The following DNAH3 variants were observed in gnomAD, a reference collection of about 807,000 sequenced individuals.
DNAH3 encodes axonemal beta dynein heavy chain 3.
A neutral mutation model predicts 432.5 loss-of-function variants in DNAH3; 332 were observed. The ratio of observed to expected loss-of-function variants is 0.77; its 90% CI spans 0.70 to 0.84. The LOEUF (loss-of-function observed/expected upper bound fraction) is 0.84. Ranked by LOEUF, DNAH3 falls within the 40% of genes least tolerant of loss-of-function variation. DNAH3 has a pLI of 0.00. For synonymous variants in DNAH3, 1,956 were observed against 1,900.2 expected (o/e 1.03, Z -0.76); for missense variants, 4,861 against 5,114.0 (o/e 0.95, Z 1.51).
At chr16:21,099,084 T>C (rs1353932972) in intron 16 of DNAH3, among the ~76,000 whole-genome samples, 1 of 152,228 alleles carries the variant, frequency 6.6e-6, no homozygotes, top group Non-Finnish European at 1.5e-5. Flanking sequence ...ACATACTGTT[T>C]ATTCATTCAG....
At chr16:21,096,810 T>C (rs2091695476) in intron 18 of DNAH3, among the ~76,000 whole-genome samples, 1 of 152,172 alleles carries the variant, frequency 6.6e-6, no homozygotes, top group South Asian at 2.1e-4. Context: ...GAACTAAGTC[T>C]TGGAGAAGCT....
intron 14 of DNAH3, among the ~76,000 whole-genome samples, chr16:21,110,999 T>G (rs1392351760): frequency 1.3e-5 from 2 of 152,026 alleles, no homozygotes; most frequent in East Asian, 3.9e-4. Flanking sequence ...TTGGACAACA[T>G]AGCAAGACCC....
intron 31 of DNAH3, among the ~76,000 whole-genome samples, chr16:21,049,095 G>A (rs2089845880): frequency 2.0e-5 from 3 of 151,872 alleles, no homozygotes; most frequent in Non-Finnish European, 4.4e-5. Context: ...CTGGGCTCAA[G>A]CAATCCTCCT....
Position 21,060,248 on chromosome 16 carries a change from C to T in DNAH3, c.3813+16G>A. 6.2e-7 allele frequency: 1 copy of T among 1,603,368 alleles called. No homozygotes were observed. Among genetic ancestry groups the T allele is most frequent in the South Asian group, 1.1e-5 (1 of 90,868 alleles). ...TGCACTAGTGTCCTGGCATGTGTAC[C>T]CCGGTTCTTGTTTACCTTGACATAT... On this transcript the variant is annotated intron_variant, in intron 26 of 61. Transcript: ENST00000261383.
intron 38 of DNAH3, among the ~76,000 whole-genome samples, chr16:21,025,936 A>G (rs1484866298): frequency 6.6e-6 from 1 of 151,928 alleles, no homozygotes; most frequent in Non-Finnish European, 1.5e-5. Context: ...ATGAGGTTTC[A>G]CCATGTTGGC....
chr16:21,145,077 A>C, intron 3 of DNAH3, 104 bp downstream of exon 4: 1 of 1,020,768 alleles, frequency 9.8e-7, no homozygotes, highest in Non-Finnish European at 1.4e-6. Flanking sequence ...GTGCCATGGC[A>C]CTCCAGCCTG....
intron 41 of DNAH3, among the ~76,000 whole-genome samples, chr16:21,003,468 C>T (rs2087128994): frequency 1.3e-5 from 2 of 152,094 alleles, no homozygotes; most frequent in African/African-American, 4.8e-5. Flanking sequence ...ATAATGTAAA[C>T]AGCAAGTATT....
intron 4 of DNAH3, 34 bp from the exon 6 acceptor site, chr16:21,140,744 T>C: frequency 6.2e-7 from 1 of 1,608,660 alleles, no homozygotes; most frequent in Non-Finnish European, 8.5e-7. Flanking sequence ...CCTTGGTGTT[T>C]GGTTCTCCAG....
At chr16:20,984,183 A>ATG (rs2086068327) in intron 48 of DNAH3, among the ~76,000 whole-genome samples, 1 of 140,866 alleles carries the variant, frequency 7.1e-6, no homozygotes, top group Non-Finnish European at 1.5e-5. Context: ...GTGTGTGTAT[A>ATG]TGTGTGCACG....
intron 57 of DNAH3, among the ~76,000 whole-genome samples, chr16:20,946,521 TA>T (rs1268325279): frequency 1.3e-5 from 2 of 152,210 alleles, no homozygotes; most frequent in Non-Finnish European, 2.9e-5. Context: ...TGGCTCAGTA[TA>T]AATCTCTTCA....
intron 1 of DNAH3, chr16:21,159,279 CATT>C (rs1567894022): frequency 1.3e-6 from 2 of 1,527,432 alleles, no homozygotes; most frequent in South Asian, 2.2e-5. Flanking sequence ...TCTGAGTTCC[CATT>C]ATTCAGTCTC....
At chr16:20,969,003 C>A (rs1273799769) in intron 52 of DNAH3, among the ~76,000 whole-genome samples, 4 of 151,890 alleles carry the variant, frequency 2.6e-5, no homozygotes, top group Non-Finnish European at 4.4e-5. Context: ...CTACCTGTTT[C>A]TCTCCCTTCA....
chr16:21,049,501 G>T, intron 31 of DNAH3, 68 bp downstream of exon 31: 2 of 1,251,004 alleles, frequency 1.6e-6, no homozygotes, highest in African/African-American at 1.5e-5. Flanking sequence ...TTATTAAGGG[G>T]TGCAGAGCCA....
intron 19 of DNAH3, among the ~76,000 whole-genome samples, chr16:21,086,456 ACTTT>A (rs2091374566): frequency 6.6e-6 from 1 of 152,128 alleles, no homozygotes; most frequent in South Asian, 2.1e-4. Context: ...GAGAGATGTG[ACTTT>A]CTTTTTTGTG....
chr16:20,991,921 T>C (rs1042725520), intron 44 of DNAH3, among the ~76,000 whole-genome samples: 8 of 152,214 alleles, frequency 5.3e-5, no homozygotes, highest in Admixed American at 5.2e-4. Context: ...GTTTGCAAAG[T>C]GGTAATATTC....
At chr16:20,980,690 T>G (rs1004299868) in intron 49 of DNAH3, among the ~76,000 whole-genome samples, 7 of 152,188 alleles carry the variant, frequency 4.6e-5, no homozygotes, top group African/African-American at 1.4e-4. Context: ...GCCCAGCCAA[T>G]TTTTAAAAAT....
At chr16:20,956,550 T>G (rs186755550) in intron 54 of DNAH3, among the ~76,000 whole-genome samples, 37 of 152,334 alleles carry the variant, frequency 2.4e-4, no homozygotes, top group African/African-American at 8.9e-4. Flanking sequence ...TCATGATTTT[T>G]GGGTCAGGAT....
chr16:21,069,077 A>G (rs1567735055), intron 23 of DNAH3, among the ~76,000 whole-genome samples: 1 of 148,916 alleles, frequency 6.7e-6, no homozygotes, highest in African/African-American at 2.5e-5. Context: ...GGCATTCACC[A>G]CAATGCCTGG....
At chr16:21,062,483 T>C in exon 25 of DNAH3, 1 of 1,614,110 alleles carries the variant, frequency 6.2e-7, no homozygotes. Flanking sequence ...AGGAGTTACC[T>C]TGGCATTAGC....
Sources: allele counts gnomAD v4.1 joint callset (sites outside exome capture counted in the v4.1 genomes callset), GRCh38; gene constraint gnomAD v4.1.1; transcripts MANE v1.5; gene names NCBI Gene and HGNC (gene_info 2026-07-23, HGNC 2026-07-21).